B3GALT1: variants seen among roughly 807,000 people sequenced by gnomAD.
B3GALT1 encodes the protein UDP-Gal:betaGlcNAc beta 1,3-galactosyltransferase, polypeptide 1.
Under a neutral mutation model 23.2 loss-of-function variants are expected in B3GALT1, and 10 were observed. That is an observed-to-expected ratio of 0.43 (90% CI 0.27 to 0.73). The LOEUF (loss-of-function observed/expected upper bound fraction) is 0.73. B3GALT1 is among the 30% of genes least tolerant of loss of function. The pLI is 0.21. For synonymous variants in B3GALT1, 156 were observed against 141.5 expected (o/e 1.10, Z -0.73); for missense variants, 299 against 405.4 (o/e 0.74, Z 2.25).
At chr2:167,865,918 C>T (rs916566885) in intron 4 of B3GALT1, among the ~76,000 whole-genome samples, 11 of 152,332 alleles carry the variant, frequency 7.2e-5, no homozygotes, top group Middle Eastern at 3.4e-3. Context: ...CAGCTCAGGA[C>T]GGTGTCTGAG....
chr2:167,791,898 A>G (rs1224643104), intron 3 of B3GALT1, among the ~76,000 whole-genome samples: 2 of 152,028 alleles, frequency 1.3e-5, no homozygotes, highest in African/African-American at 4.8e-5. Flanking sequence ...AGAAAAAAAA[A>G]AAAGATAAAA....
At chr2:167,436,679 T>C (rs1698790972) in intron 1 of B3GALT1, among the ~76,000 whole-genome samples, 1 of 152,138 alleles carries the variant, frequency 6.6e-6, no homozygotes, top group Non-Finnish European at 1.5e-5. Flanking sequence ...ATCTCTTACT[T>C]TGTATACAGG....
chr2:167,645,941 G>A (rs534155884), intron 2 of B3GALT1, among the ~76,000 whole-genome samples: 38 of 152,136 alleles, frequency 2.5e-4, no homozygotes, highest in Admixed American at 2.0e-3. Flanking sequence ...TGAGTTTACC[G>A]TAAGGAGAAT....
intron 2 of B3GALT1, among the ~76,000 whole-genome samples, chr2:167,496,117 TC>T (rs1163919679): frequency 5.3e-5 from 8 of 152,244 alleles, no homozygotes; most frequent in African/African-American, 1.9e-4. Flanking sequence ...CTTTTATTCT[TC>T]CAGTTCATTT....
At chr2:167,632,508 C>T (rs1312931618) in intron 2 of B3GALT1, among the ~76,000 whole-genome samples, 1 of 152,016 alleles carries the variant, frequency 6.6e-6, no homozygotes, top group Non-Finnish European at 1.5e-5. Flanking sequence ...GAGATGGTGT[C>T]TCATTGTGGT....
intron 1 of B3GALT1, among the ~76,000 whole-genome samples, chr2:167,357,573 C>G (rs1370148293): frequency 6.6e-6 from 1 of 152,098 alleles, no homozygotes; most frequent in East Asian, 1.9e-4. Flanking sequence ...AAAATCCCTG[C>G]CACTACAACT....
At chr2:167,438,119 A>T (rs772814548) in intron 1 of B3GALT1, among the ~76,000 whole-genome samples, 1 of 152,254 alleles carries the variant, frequency 6.6e-6, no homozygotes, top group African/African-American at 2.4e-5. Context: ...CCTATAAAAG[A>T]TGACAGAAAA....
chr2:167,671,229 C>T (rs1284613854), intron 3 of B3GALT1, among the ~76,000 whole-genome samples: 2 of 151,878 alleles, frequency 1.3e-5, no homozygotes, highest in Admixed American at 6.6e-5. Context: ...ACTTTAATAA[C>T]CCCCATGGAA....
At chr2:167,428,653 G>A (rs1275138162) in intron 1 of B3GALT1, among the ~76,000 whole-genome samples, 1 of 152,142 alleles carries the variant, frequency 6.6e-6, no homozygotes, top group African/African-American at 2.4e-5. Context: ...ACTCTAGCCT[G>A]GGTGACAGAG....
chr2:167,700,346 TGTTA>T (rs1274161377), intron 3 of B3GALT1, among the ~76,000 whole-genome samples: 1 of 152,222 alleles, frequency 6.6e-6, no homozygotes, highest in Non-Finnish European at 1.5e-5. Flanking sequence ...TTTCTTGATC[TGTTA>T]GAGTTTTTTG....
chr2:167,519,859 G>A (rs1013446711), intron 2 of B3GALT1, among the ~76,000 whole-genome samples: 3 of 151,958 alleles, frequency 2.0e-5, no homozygotes, highest in Non-Finnish European at 4.4e-5. Context: ...ATCACTTAAG[G>A]TTAAGAGTTT....
Position 167,536,426 on chromosome 2 carries a change from A to C in B3GALT1, c.-410+46149A>C, listed in dbSNP as rs1683426949. On this transcript the variant is annotated intron_variant, in intron 2 of 4. Coordinates refer to ENST00000392690, the MANE Select transcript of B3GALT1 (RefSeq NM_020981.4). ...TGAGGCATTGGTGGTTACAAAAGAC[A>C]ATTTCTTTTTATAATGCAGACTAGG... Among the ~76,000 whole-genome samples, 12 of 152,288 alleles carry C rather than the reference A, an allele frequency of 7.9e-5. No individual in the cohort carries two copies. The South Asian group carries it at 2.5e-3, about 32-fold the overall frequency.
intron 1 of B3GALT1, among the ~76,000 whole-genome samples, chr2:167,432,720 A>C (rs757905619): frequency 1.3e-5 from 2 of 152,218 alleles, no homozygotes; most frequent in Non-Finnish European, 2.9e-5. Flanking sequence ...AAAATGGAGA[A>C]TAAAGTATTC....
chr2:167,327,772 G>A (rs1696917392), intron 1 of B3GALT1, among the ~76,000 whole-genome samples: 1 of 152,150 alleles, frequency 6.6e-6, no homozygotes, highest in Admixed American at 6.5e-5. Flanking sequence ...AATAGGAGTG[G>A]TGAAAGTGGG....
At chr2:167,633,089 T>C (rs1243399690) in intron 2 of B3GALT1, among the ~76,000 whole-genome samples, 2 of 151,880 alleles carry the variant, frequency 1.3e-5, no homozygotes, top group African/African-American at 4.8e-5. Context: ...ATGGAGAGAA[T>C]GGAACCAAGT....
chr2:167,601,470 G>A lies in B3GALT1; in HGVS notation c.-409-45439G>A, dbSNP rs566935117. 5.3e-5 allele frequency among the ~76,000 whole-genome samples: 8 copies of A among 152,256 alleles called. No homozygotes were observed. In the East Asian group the frequency reaches 1.5e-3, roughly 29 times the overall value. On this transcript the variant is annotated intron_variant, in intron 2 of 4. Coordinates refer to ENST00000392690, the MANE Select transcript of B3GALT1 (RefSeq NM_020981.4). ...CAGATTTTTAAAATCTATTGCTCTG[G>A]TCATTTATTTTAGCCCAAAACGCTC...
chr2:167,418,260 A>C (rs1698497689), intron 1 of B3GALT1, among the ~76,000 whole-genome samples: 1 of 152,232 alleles, frequency 6.6e-6, no homozygotes, highest in Admixed American at 6.5e-5. Flanking sequence ...TTTGTGAATT[A>C]ACTCTCTGAC....
At chr2:167,447,396 C>A (rs1159054078) in intron 1 of B3GALT1, among the ~76,000 whole-genome samples, 4 of 152,250 alleles carry the variant, frequency 2.6e-5, no homozygotes, top group Non-Finnish European at 5.9e-5. Context: ...AGCTGTCAGA[C>A]AGGGACATTT....
intron 3 of B3GALT1, among the ~76,000 whole-genome samples, chr2:167,766,829 G>T (rs913677457): frequency 6.6e-6 from 1 of 152,142 alleles, no homozygotes; most frequent in East Asian, 1.9e-4. Context: ...ATAAACAGGC[G>T]TGATCACTCT....
Sources: allele counts gnomAD v4.1 joint callset (sites outside exome capture counted in the v4.1 genomes callset), GRCh38; gene constraint gnomAD v4.1.1; transcripts MANE v1.5; gene names NCBI Gene and HGNC (gene_info 2026-07-23, HGNC 2026-07-21).